Variants in SYT2 observed in about 807,000 individuals in gnomAD.
SYT2 encodes the protein synaptotagmin-2.
Under a neutral mutation model 39.9 loss-of-function variants are expected in SYT2, and 15 were observed. The observed-to-expected ratio is 0.38, with a 90% CI of 0.25 to 0.58. The LOEUF is 0.58. Among genes scored for constraint, SYT2 ranks in the 20% least tolerant of loss-of-function variants. The pLI is 0.70. For synonymous variants in SYT2, 181 were observed against 204.5 expected (o/e 0.89, Z 0.98); for missense variants, 389 against 530.3 (o/e 0.73, Z 2.62).
At chr1:202,617,044 C>CTAG (rs1691061744) in intron 1 of SYT2, among the ~76,000 whole-genome samples, 1 of 152,368 alleles carries the variant, frequency 6.6e-6, no homozygotes, top group South Asian at 2.1e-4. Flanking sequence ...GCCGAAAGCC[C>CTAG]TAGCGTGGCC....
At position 202,605,707 on chromosome 1, in the gene SYT2, C is replaced by T. The variant is rs1185968772; in HGVS notation, c.66G>A (p.Met22Ile). ...IVAPATTTAT[M>I]PIGPVDNSTE... The stretch of plus-strand genomic sequence containing the variant: ...TGGAGTTGTCCACGGGTCCAATGGG[C>T]ATCGTGGCGGTGGTGGTGGCAGGAG... The change falls in exon 2 of 9, where the codon ATG becomes ATA. Residue 22 changes from methionine to isoleucine, a missense_variant. By Grantham distance (10) the Met-to-Ile change is conservative (BLOSUM62 1). Transcript: ENST00000367268. 1.2e-6 allele frequency: 2 copies of T among 1,614,028 alleles called. No homozygotes were observed. Among genetic ancestry groups the T allele is most frequent in the Non-Finnish European group, 1.7e-6 (2 of 1,179,924 alleles).
At chr1:202,699,173 A>G (rs909667238) in intron 1 of SYT2, among the ~76,000 whole-genome samples, 1 of 151,896 alleles carries the variant, frequency 6.6e-6, no homozygotes, top group African/African-American at 2.4e-5. Context: ...CAAGCATGCC[A>G]CCACGTCCAG....
At chr1:202,656,253 T>G (rs745995287) in intron 1 of SYT2, among the ~76,000 whole-genome samples, 9 of 152,224 alleles carry the variant, frequency 5.9e-5, no homozygotes, top group African/African-American at 1.2e-4. Flanking sequence ...AGCCAGAGGC[T>G]GAACTCTGGG....
intron 1 of SYT2, among the ~76,000 whole-genome samples, chr1:202,701,366 G>A (rs1454434373): frequency 6.6e-6 from 1 of 152,194 alleles, no homozygotes; most frequent in Non-Finnish European, 1.5e-5. Flanking sequence ...CACAGGTGAT[G>A]GGCACTGTTC....
chr1:202,624,522 G>T (rs528300622), intron 1 of SYT2, among the ~76,000 whole-genome samples: 2 of 139,330 alleles, frequency 1.4e-5, no homozygotes, highest in Non-Finnish European at 3.1e-5. Flanking sequence ...TGTCTGTGTG[G>T]TGTGTAGTAG....
chr1:202,608,957 A>G (rs185880136), intron 1 of SYT2, among the ~76,000 whole-genome samples: 15 of 151,788 alleles, frequency 9.9e-5, no homozygotes, highest in Admixed American at 8.5e-4. Context: ...TACATGTGCC[A>G]TGTTGGTGTG....
At chr1:202,663,525 C>T (rs981724091) in intron 1 of SYT2, among the ~76,000 whole-genome samples, 2 of 152,204 alleles carry the variant, frequency 1.3e-5, no homozygotes, top group Non-Finnish European at 2.9e-5. Context: ...GAAACCTCAG[C>T]GGCAACATTT....
At chr1:202,689,902 A>T (rs1376315541) in intron 1 of SYT2, among the ~76,000 whole-genome samples, 1 of 141,650 alleles carries the variant, frequency 7.1e-6, no homozygotes, top group African/African-American at 2.7e-5. Context: ...CCCCCCTATC[A>T]CCCCACAGCT....
Position 202,596,778 on chromosome 1 carries a change from T to C in SYT2, c.1239A>G (p.Ala413=). The C allele has an allele frequency of 6.2e-7, 1 of 1,613,848 alleles. No individual in the cohort carries two copies. The highest frequency in any genetic ancestry group is 8.5e-7 in the Non-Finnish European group (1 of 1,179,858). Residue 413 remains alanine (A), a synonymous_variant, in exon 9 of 9, where the codon GCA becomes GCG. Coordinates refer to ENST00000367268, the MANE Select transcript of SYT2 (RefSeq NM_177402.5). ...HSLKPEEEVD[A]LLGKNK ...CTGTCTACTTGTTCTTGCCCAGGAGTGCATCCACCTCCTCCTCAGGCTTGA... is the reference window on the plus strand; with the variant it reads ...CTGTCTACTTGTTCTTGCCCAGGAGCGCATCCACCTCCTCCTCAGGCTTGA...
At chr1:202,699,076 G>A (rs1190856746) in intron 1 of SYT2, among the ~76,000 whole-genome samples, 2 of 143,346 alleles carry the variant, frequency 1.4e-5, no homozygotes, top group East Asian at 4.2e-4. Context: ...GGAATGCAGT[G>A]CAGTGGTATG....
intron 1 of SYT2, among the ~76,000 whole-genome samples, chr1:202,671,555 G>A (rs1477047002): frequency 6.6e-6 from 1 of 152,260 alleles, no homozygotes; most frequent in Non-Finnish European, 1.5e-5. Flanking sequence ...CTTTTGCCCT[G>A]AGGGCATTTG....
In SYT2 at chr1:202,624,280, G is replaced by A. The variant is rs202203410; in HGVS notation, c.-17-18491C>T. ...TAGGGTGTGGGGGACAGTGGGGTGT[G>A]TATATATGGTGTGTGTGTGATGTAG... On this transcript the variant is annotated intron_variant, in intron 1 of 8. Transcript: ENST00000367268. 6.0e-5 allele frequency among the ~76,000 whole-genome samples: 9 copies of A among 150,428 alleles called. No homozygotes were observed. The East Asian group carries it at 1.6e-3, about 26-fold the overall frequency.
At chr1:202,610,673 C>G (rs1166661232) in intron 1 of SYT2, among the ~76,000 whole-genome samples, 8 of 152,154 alleles carry the variant, frequency 5.3e-5, no homozygotes, top group Non-Finnish European at 8.8e-5. Flanking sequence ...TTCTTATACA[C>G]CAACAACAGA....
At chr1:202,617,663 A>T (rs958788280) in intron 1 of SYT2, among the ~76,000 whole-genome samples, 2 of 151,800 alleles carry the variant, frequency 1.3e-5, no homozygotes, top group Admixed American at 1.3e-4. Context: ...CCCCACACCC[A>T]TGGCTCCCTC....
chr1:202,615,118 C>T (rs184980616), intron 1 of SYT2, among the ~76,000 whole-genome samples: 7 of 152,130 alleles, frequency 4.6e-5, no homozygotes, highest in Admixed American at 1.3e-4. Flanking sequence ...ACGGCATTCC[C>T]GGGGAATCCA....
chr1:202,627,707 C>A (rs1691458015), intron 1 of SYT2: 1 of 833,360 alleles, frequency 1.2e-6, no homozygotes, highest in African/African-American at 1.8e-5. Flanking sequence ...GAAAATAACC[C>A]CTAGCATGTT....
rs533936099 is a variant in SYT2 at position 202,607,502 on chromosome 1, G to C, written c.-17-1713C>G. Reference sequence around the variant, plus strand: ...ATGAGTTAACTCTCCTCTAGACTCAGGGTTCTTCTGAAGGAACATTTTAGG... The same window carrying C: ...ATGAGTTAACTCTCCTCTAGACTCACGGTTCTTCTGAAGGAACATTTTAGG... On this transcript the variant is annotated intron_variant, in intron 1 of 8. Coordinates refer to ENST00000367268, the MANE Select transcript of SYT2 (RefSeq NM_177402.5). Among the ~76,000 whole-genome samples, 85 of 152,254 alleles carry C rather than the reference G, an allele frequency of 5.6e-4. 1 individual carries two copies. The South Asian group carries it at 0.015, about 28-fold the overall frequency.
At chr1:202,665,179 T>C (rs562885196) in intron 1 of SYT2, among the ~76,000 whole-genome samples, 8 of 152,196 alleles carry the variant, frequency 5.3e-5, no homozygotes, top group Non-Finnish European at 7.3e-5. Context: ...AACTGGTCCC[T>C]GGGATGAAAG....
At chr1:202,690,222 C>T (rs893940180) in intron 1 of SYT2, among the ~76,000 whole-genome samples, 1 of 152,182 alleles carries the variant, frequency 6.6e-6, no homozygotes. Context: ...CAGATGGATA[C>T]TGCCCCACTG....
Sources: allele counts gnomAD v4.1 joint callset (sites outside exome capture counted in the v4.1 genomes callset), GRCh38; gene constraint gnomAD v4.1.1; transcripts MANE v1.5; gene names NCBI Gene and HGNC (gene_info 2026-07-23, HGNC 2026-07-21).